GOLGA7: variants seen among roughly 807,000 people sequenced by gnomAD.
The protein encoded by GOLGA7 is golgin A7, also known as golgin subfamily A member 7.
A neutral mutation model predicts 21.1 loss-of-function variants in GOLGA7; 10 were observed. That is an observed-to-expected ratio of 0.47 (90% confidence interval 0.29 to 0.80). The LOEUF is 0.80. GOLGA7 is among the 30% of genes least tolerant of loss of function. GOLGA7 has a pLI of 0.08. For missense variants in GOLGA7, 114 were observed against 166.8 expected (o/e 0.68, Z 1.74); for synonymous variants, 64 against 62.6 (o/e 1.02, Z -0.10).
chr8:41,504,575 A>G (rs1234938814), intron 2 of GOLGA7, among the ~76,000 whole-genome samples: 1 of 152,232 alleles, frequency 6.6e-6, no homozygotes, highest in African/African-American at 2.4e-5. Flanking sequence ...GCTTCAGGTA[A>G]TTAGATGAAA....
intron 1 of GOLGA7, among the ~76,000 whole-genome samples, chr8:41,495,802 G>A (rs980830967): frequency 6.6e-6 from 1 of 152,174 alleles, no homozygotes; most frequent in Non-Finnish European, 1.5e-5. Flanking sequence ...TGGCAGTATT[G>A]GATGATTGCT....
At position 41,510,470 on chromosome 8, in the gene GOLGA7, T is replaced by C. The variant is rs1411102683; in HGVS notation, c.*902T>C. Reference sequence around the variant, plus strand: ...TGAGAAAAAAATTTGATAGGAATAATACTGTATATTACTAATTTTTAACTA... The same window carrying C: ...TGAGAAAAAAATTTGATAGGAATAACACTGTATATTACTAATTTTTAACTA... On this transcript the variant is annotated 3_prime_UTR_variant, in exon 5 of 5. Coordinates refer to ENST00000357743, the MANE Select transcript of GOLGA7 (RefSeq NM_001002296.2). 6.6e-6 allele frequency: 1 copy of C among 152,650 alleles called. No individual in the cohort carries two copies. The highest frequency in any genetic ancestry group is 1.5e-5 in the Non-Finnish European group (1 of 68,034). 9.5% of individuals were successfully genotyped at this position (152,650 alleles called of 1,614,324 possible).
intron 1 of GOLGA7, among the ~76,000 whole-genome samples, chr8:41,491,594 C>G (rs1805884753): frequency 6.6e-6 from 1 of 151,672 alleles, no homozygotes; most frequent in Non-Finnish European, 1.5e-5. Context: ...AAATGGTCAT[C>G]AGGATATAGG....
At position 41,491,864 on chromosome 8, in the gene GOLGA7, C is replaced by G. The variant is rs541915738; in HGVS notation, c.111+899C>G. 1.4e-4 allele frequency among the ~76,000 whole-genome samples: 22 copies of G among 152,236 alleles called. No homozygotes were observed. The East Asian group carries it at 3.9e-3, about 27-fold the overall frequency. On this transcript the variant is annotated intron_variant, in intron 1 of 4. Transcript: ENST00000357743. ...TTAGCTGGAAGCAGGTTTTGTGGCT[C>G]TCTCCTCTGTGACAGGGAGGACGAG...
At chr8:41,491,372 A>G (rs1805879481) in intron 1 of GOLGA7, among the ~76,000 whole-genome samples, 1 of 152,150 alleles carries the variant, frequency 6.6e-6, no homozygotes, top group South Asian at 2.1e-4. Context: ...ATAAATCATC[A>G]TCATTCTCGT....
At chr8:41,496,392 C>G (rs1229357905) in intron 1 of GOLGA7, among the ~76,000 whole-genome samples, 2 of 152,016 alleles carry the variant, frequency 1.3e-5, no homozygotes, top group African/African-American at 4.8e-5. Flanking sequence ...TCAAAAGTTT[C>G]AGATTTTGGA....
At chr8:41,502,594 C>T (rs1399204073) in intron 2 of GOLGA7, 1 of 152,156 alleles carries the variant, frequency 6.6e-6, no homozygotes, top group Non-Finnish European at 1.5e-5. Context: ...TGTTCATGAA[C>T]TAGAAAACAT....
At chr8:41,506,963 G>A in intron 3 of GOLGA7, 96 bp from the exon 4 acceptor site, 1 of 738,406 alleles carries the variant, frequency 1.4e-6, no homozygotes, top group South Asian at 1.6e-5. Flanking sequence ...AAAGCAAACT[G>A]AAAGCAAAGT....
chr8:41,501,981 C>T (rs1275346390), intron 2 of GOLGA7, among the ~76,000 whole-genome samples: 3 of 152,016 alleles, frequency 2.0e-5, no homozygotes, highest in African/African-American at 7.3e-5. Context: ...TAAGCAAGGC[C>T]CCTTTCTTTT....
At chr8:41,498,392 A>G (rs1193465094) in intron 2 of GOLGA7, among the ~76,000 whole-genome samples, 2 of 152,158 alleles carry the variant, frequency 1.3e-5, no homozygotes, top group Admixed American at 6.5e-5. Flanking sequence ...CTGGATTCCC[A>G]TGTTTTACCA....
intron 2 of GOLGA7, among the ~76,000 whole-genome samples, chr8:41,504,862 G>A (rs1806245426): frequency 6.6e-6 from 1 of 152,148 alleles, no homozygotes; most frequent in African/African-American, 2.4e-5. Context: ...TGTTATATAA[G>A]CCACACTTAA....
chr8:41,506,540 C>G (rs376670954), intron 3 of GOLGA7, among the ~76,000 whole-genome samples: 1 of 152,064 alleles, frequency 6.6e-6, no homozygotes, highest in Non-Finnish European at 1.5e-5. Context: ...TTGCAAAAAA[C>G]TAATTTAGCT....
chr8:41,510,328 C>G lies in GOLGA7; in HGVS notation c.*760C>G, dbSNP rs1806391893. 1 of 152,496 alleles carries G rather than the reference C, an allele frequency of 6.6e-6. No individual in the cohort carries two copies. The highest frequency in any genetic ancestry group is 1.5e-5 in the Non-Finnish European group (1 of 68,018). 9.4% of individuals were successfully genotyped at this position (152,496 alleles called of 1,614,324 possible). A position where few individuals can be genotyped will look rare whatever the true frequency, so the allele number is the denominator to read the frequency against. On this transcript the variant is annotated 3_prime_UTR_variant, in exon 5 of 5. Coordinates refer to ENST00000357743, the MANE Select transcript of GOLGA7 (RefSeq NM_001002296.2). ...CTTGTTCATCACAAAAATCAGTAAG[C>G]ACAATAAAGTGGATGCCAAACCATC...
At chr8:41,506,144 A>G in intron 3 of GOLGA7, 132 bp downstream of exon 3, 1 of 543,110 alleles carries the variant, frequency 1.8e-6, no homozygotes, top group Non-Finnish European at 3.2e-6. Flanking sequence ...TGAATTGCAT[A>G]CCTACTGTAA....
chr8:41,496,900 C>T lies in GOLGA7; in HGVS notation c.112-609C>T, dbSNP rs988314111. Reference sequence around the variant, plus strand: ...TCGGCTCACTGCAAGCTCCACCTCCCGGGTTCACGCCATTCTCCTGCCTCA... The same window carrying T: ...TCGGCTCACTGCAAGCTCCACCTCCTGGGTTCACGCCATTCTCCTGCCTCA... On this transcript the variant is annotated intron_variant, in intron 1 of 4. Coordinates refer to ENST00000357743, the MANE Select transcript of GOLGA7 (RefSeq NM_001002296.2). Among the ~76,000 whole-genome samples the T allele has an allele frequency of 2.6e-5, 4 of 151,340 alleles. No individual in the cohort carries two copies. The East Asian group carries it at 7.8e-4, about 30-fold the overall frequency.
chr8:41,510,091 G>A lies in GOLGA7; in HGVS notation c.*523G>A, dbSNP rs1806384924. 6.6e-6 allele frequency: 1 copy of A among 152,544 alleles called. No homozygotes were observed. Among genetic ancestry groups the A allele is most frequent in the African/African-American group, 2.4e-5 (1 of 41,512 alleles). The allele number at this position is 152,544 out of a possible 1,614,324, so 9.4% of individuals were successfully genotyped here. On this transcript the variant is annotated 3_prime_UTR_variant, in exon 5 of 5. Transcript: ENST00000357743. ...CCTCCCAGATTTCAAAGAATTACTG[G>A]TTTTACCATGACTCAAATCTTAAGA...
At chr8:41,492,969 C>T (rs570071437) in intron 1 of GOLGA7, among the ~76,000 whole-genome samples, 43 of 152,344 alleles carry the variant, frequency 2.8e-4, no homozygotes, top group Admixed American at 1.1e-3. Context: ...CTGTGCTCCA[C>T]TGATTCTTGT....
In GOLGA7 at chr8:41,502,329, C is replaced by T. The variant is rs557972189; in HGVS notation, c.265-3582C>T. 2.6e-5 allele frequency among the ~76,000 whole-genome samples: 4 copies of T among 152,198 alleles called. No homozygotes were observed. In the South Asian group the frequency reaches 6.2e-4, roughly 24 times the overall value. On this transcript the variant is annotated intron_variant, in intron 2 of 4. Transcript: ENST00000357743. ...ATTTAGTCTCTATTGTTTTAAACAC[C>T]GAAATTCCTAGTCTACAAACAGTAA...
At chr8:41,497,335 A>G (rs1028993686) in intron 1 of GOLGA7, among the ~76,000 whole-genome samples, 174 bp from the exon 2 acceptor site, 1 of 152,106 alleles carries the variant, frequency 6.6e-6, no homozygotes, top group South Asian at 2.1e-4. Flanking sequence ...TCCAGTATTT[A>G]TAAGAGGGAT....
Sources: gnomAD v4.1 joint callset for allele counts (sites outside exome capture counted in the v4.1 genomes callset) on GRCh38, gnomAD v4.1.1 for gene constraint, MANE v1.5 for transcripts, NCBI Gene and HGNC (gene_info 2026-07-23, HGNC 2026-07-21) for gene names.